Variants in UNC13B observed in about 807,000 individuals in gnomAD.
UNC13B encodes protein unc-13 homolog B.
In UNC13B, 144 loss-of-function variants were observed where a neutral mutation model predicts 211.0. The observed-to-expected ratio is 0.68, with a 90% confidence interval of 0.60 to 0.78. UNC13B has a LOEUF of 0.78. Among genes scored for constraint, UNC13B ranks in the 30% least tolerant of loss-of-function variants. The pLI, the probability that UNC13B is intolerant of heterozygous loss-of-function variation, is 0.00. For synonymous variants in UNC13B, 709 were observed against 725.8 expected (o/e 0.98, Z 0.37); for missense variants, 1,777 against 2,002.0 (o/e 0.89, Z 2.14).
intron 1 of UNC13B, among the ~76,000 whole-genome samples, chr9:35,167,396 G>T (rs1461828744): frequency 1.3e-5 from 2 of 152,218 alleles, no homozygotes; most frequent in Non-Finnish European, 2.9e-5. Context: ...CATGGCCCGA[G>T]ATAATTCTTC....
At chr9:35,310,336 C>A in intron 9 of UNC13B, 131 bp from the exon 10 acceptor site, 3 of 964,276 alleles carry the variant, frequency 3.1e-6, no homozygotes, top group Non-Finnish European at 3.0e-6. Context: ...GAAGTTTGGT[C>A]CTCTCTTCCC....
chr9:35,330,114 A>G (rs1277584939), intron 11 of UNC13B, among the ~76,000 whole-genome samples: 1 of 152,220 alleles, frequency 6.6e-6, no homozygotes, highest in African/African-American at 2.4e-5. Flanking sequence ...TAACAAATTC[A>G]TATTTGTTGT....
rs536994953 is a variant in UNC13B, at chr9:35,266,639, T to G, written c.526+7589T>G. On this transcript the variant is annotated intron_variant, in intron 7 of 39. Coordinates refer to ENST00000635942, the MANE Select transcript of UNC13B (RefSeq NM_001371189.2). ...AGGTGATGGGATTCTTTAAAAGTAT[T>G]GAGGCAAACTATCTGCTTTTCCCCT... is the stretch of plus-strand genomic sequence containing the variant. Among the ~76,000 whole-genome samples the G allele has an allele frequency of 1.8e-3, 272 of 152,362 alleles. 1 individual carries two copies. The highest frequency in any genetic ancestry group is 6.1e-3 in the African/African-American group (254 of 41,590).
intron 1 of UNC13B, among the ~76,000 whole-genome samples, chr9:35,210,974 A>C (rs1587382110): frequency 6.6e-6 from 1 of 152,170 alleles, no homozygotes; most frequent in South Asian, 2.1e-4. Context: ...GGCTCAATGA[A>C]TCCTCCTGCC....
chr9:35,350,055 C>T (rs1174108397), intron 11 of UNC13B, among the ~76,000 whole-genome samples: 1 of 152,238 alleles, frequency 6.6e-6, no homozygotes, highest in Non-Finnish European at 1.5e-5. Context: ...ACCAATCCAT[C>T]TTACCCCTCC....
At chr9:35,211,380 T>C (rs549000151) in intron 1 of UNC13B, among the ~76,000 whole-genome samples, 1 of 152,332 alleles carries the variant, frequency 6.6e-6, no homozygotes, top group South Asian at 2.1e-4. Flanking sequence ...TAAGTCTAGA[T>C]GATTTGTGTT....
rs1423319428 is a variant in UNC13B, at chr9:35,306,102, A to G, written c.6698A>G (p.Gln2233Arg). The change falls in exon 9 of 40, where the codon CAA becomes CGA. Residue 2233 changes from glutamine (Q) to arginine (R), a missense_variant. Coordinates refer to ENST00000635942, the MANE Select transcript of UNC13B (RefSeq NM_001371189.2). The stretch of plus-strand genomic sequence containing the variant: ...AAAAAGGAGACCTCTGGGGAAAAAC[A>G]AAGCATTTCAACTGTTGTTCCAGTG... ...DQKKETSGEK[Q>R]SISTVVPVTS... The G allele has an allele frequency of 2.5e-6, 1 of 398,914 alleles. No individual in the cohort carries two copies. Among genetic ancestry groups the G allele is most frequent in the African/African-American group, 2.1e-5 (1 of 48,632 alleles). 24.7% of individuals were successfully genotyped at this position (398,914 alleles called of 1,614,324 possible).
At chr9:35,369,037 G>A (rs1020910237) in intron 12 of UNC13B, among the ~76,000 whole-genome samples, 4 of 151,804 alleles carry the variant, frequency 2.6e-5, no homozygotes, top group South Asian at 2.1e-4. Flanking sequence ...TTTCACCTTC[G>A]TCCTTAGAAG....
At chr9:35,353,402 G>T in intron 11 of UNC13B, 1 of 1,232,266 alleles carries the variant, frequency 8.1e-7, no homozygotes, top group South Asian at 4.1e-5. Flanking sequence ...AGAGAACAGT[G>T]ATCGACTTCT....
intron 2 of UNC13B, among the ~76,000 whole-genome samples, chr9:35,230,536 A>G (rs1825140291): frequency 6.6e-6 from 1 of 151,288 alleles, no homozygotes; most frequent in African/African-American, 2.4e-5. Flanking sequence ...AACTGAGTAG[A>G]TCGAGCTTGA....
intron 1 of UNC13B, among the ~76,000 whole-genome samples, chr9:35,215,857 C>T (rs1346806709): frequency 2.0e-5 from 3 of 152,094 alleles, no homozygotes; most frequent in African/African-American, 4.8e-5. Flanking sequence ...GAGTTTTAAT[C>T]GTAATAGAGG....
In UNC13B at chr9:35,228,766, C is replaced by T. The variant is rs137944630; in HGVS notation, c.52+722C>T. Among the ~76,000 whole-genome samples the T allele has an allele frequency of 7.6e-5, 11 of 145,060 alleles. No individual in the cohort carries two copies. In the East Asian group the frequency reaches 1.4e-3, roughly 19 times the overall value. Reference sequence around the variant, plus strand: ...TGTGTGTGTATGTGTGTGTCTGGTTCGTTCTTTTAAGGTGCTGTACAGAAT... The same window carrying T: ...TGTGTGTGTATGTGTGTGTCTGGTTTGTTCTTTTAAGGTGCTGTACAGAAT... On this transcript the variant is annotated intron_variant, in intron 2 of 39. Coordinates refer to ENST00000635942, the MANE Select transcript of UNC13B (RefSeq NM_001371189.2).
chr9:35,247,425 T>G (rs1009901972), intron 6 of UNC13B, among the ~76,000 whole-genome samples: 6 of 152,320 alleles, frequency 3.9e-5, no homozygotes, highest in South Asian at 4.1e-4. Context: ...CATCCCTGTC[T>G]TGTGCCAGTT....
rs766476922 is a variant in UNC13B, at chr9:35,381,682, A to G, written c.10618A>G (p.Met3540Val). Residue 3540 changes from methionine to valine, a missense_variant, in exon 20 of 40, where the codon ATG (methionine) becomes GTG (valine). Coordinates refer to ENST00000635942, the MANE Select transcript of UNC13B (RefSeq NM_001371189.2). ...CCAAGAAATTGTGGATGAATTTGCC[A>G]TGCGTTATGGCATTGAGTCCATATA... is the stretch of plus-strand genomic sequence containing the variant. ...TAQEIVDEFA[M>V]RYGIESIYQA... 7 of 1,614,214 alleles carry G rather than the reference A, an allele frequency of 4.3e-6. No homozygotes were observed. The Admixed American group carries it at 6.7e-5, about 15-fold the overall frequency.
At chr9:35,328,651 C>G (rs1429531197) in intron 11 of UNC13B, among the ~76,000 whole-genome samples, 1 of 113,638 alleles carries the variant, frequency 8.8e-6, no homozygotes, top group East Asian at 3.6e-4. Context: ...TTCCTTCCTT[C>G]CTTCCTTCCT....
intron 11 of UNC13B, among the ~76,000 whole-genome samples, chr9:35,317,432 A>G (rs1587607703): frequency 6.6e-6 from 1 of 151,198 alleles, no homozygotes; most frequent in East Asian, 1.9e-4. Context: ...TGAACTTCTG[A>G]ACTTCTGAGC....
chr9:35,364,434 C>T, intron 11 of UNC13B: 2 of 1,217,582 alleles, frequency 1.6e-6, no homozygotes, highest in South Asian at 2.9e-5. Context: ...GGACCTCTCC[C>T]TCTCTTCCAT....
chr9:35,286,782 C>G (rs1171907273), intron 7 of UNC13B, among the ~76,000 whole-genome samples: 2 of 152,076 alleles, frequency 1.3e-5, no homozygotes, highest in African/African-American at 4.8e-5. Flanking sequence ...ATTTTTGGAG[C>G]CTCTGTGTTG....
At chr9:35,358,665 T>C (rs1214662968) in intron 11 of UNC13B, among the ~76,000 whole-genome samples, 1 of 151,912 alleles carries the variant, frequency 6.6e-6, no homozygotes, top group Non-Finnish European at 1.5e-5. Context: ...GTTTTATAGT[T>C]TTTACTCCTA....
Sources: gnomAD v4.1 joint callset for allele counts (sites outside exome capture counted in the v4.1 genomes callset) on GRCh38, gnomAD v4.1.1 for gene constraint, MANE v1.5 for transcripts, NCBI Gene and HGNC (gene_info 2026-07-23, HGNC 2026-07-21) for gene names.